Variants in DCBLD2 observed in about 807,000 individuals in gnomAD.
The protein encoded by DCBLD2 is discoidin, CUB and LCCL domain-containing protein 2.
DCBLD2 carries 54 observed loss-of-function variants against 86.8 expected under a neutral mutation model. The ratio of observed to expected loss-of-function variants is 0.62; its 90% CI spans 0.50 to 0.78. The LOEUF (loss-of-function observed/expected upper bound fraction) is 0.78, where lower values mean the gene tolerates loss of function less well. DCBLD2 is among the 30% of genes least tolerant of loss of function. DCBLD2 has a pLI of 0.00. For synonymous variants in DCBLD2, 354 were observed against 341.3 expected (o/e 1.04, Z -0.41); for missense variants, 908 against 954.2 (o/e 0.95, Z 0.64).
chr3:98,880,136 T>A (rs972186377), intron 2 of DCBLD2, among the ~76,000 whole-genome samples: 2 of 152,178 alleles, frequency 1.3e-5, no homozygotes, highest in African/African-American at 4.8e-5. Flanking sequence ...AATCAAGAAG[T>A]GACTGAGAAG....
In DCBLD2 at chr3:98,870,801, G is replaced by GAA. The variant is rs773266301; in HGVS notation, c.433+10737_433+10738dup. ...AGAAAGAAAGAAAGAAAGAAAGAAA[G>GAA]AAAGAAAGAAAGGTAGGCAGGCATT... On this transcript the variant is annotated intron_variant, in intron 2 of 15. Transcript: ENST00000326840. Among the ~76,000 whole-genome samples the GAA allele has an allele frequency of 4.3e-4, 64 of 149,772 alleles. 1 individual carries two copies. The East Asian group carries it at 6.9e-3, about 16-fold the overall frequency.
intron 2 of DCBLD2, among the ~76,000 whole-genome samples, chr3:98,866,627 T>C (rs1471584457): frequency 6.6e-6 from 1 of 152,222 alleles, no homozygotes; most frequent in Non-Finnish European, 1.5e-5. Flanking sequence ...GATGAGTAGA[T>C]TGCAAAAATT....
rs1941664024 is a variant in DCBLD2 at position 98,798,974 on chromosome 3, C to T, written c.*398G>A. ...TCACAAACAGACTAGAATTTCAAGC[C>T]ATTAGGTATTTCAAGAACAGTACCG... On this transcript the variant is annotated 3_prime_UTR_variant, in exon 16 of 16. Transcript: ENST00000326840. 6.3e-6 allele frequency: 1 copy of T among 157,680 alleles called. No homozygotes were observed. The highest frequency in any genetic ancestry group is 2.4e-5 in the African/African-American group (1 of 41,494). 9.8% of individuals were successfully genotyped at this position (157,680 alleles called of 1,614,324 possible). A position where few individuals can be genotyped will look rare whatever the true frequency, so the allele number is the denominator to read the frequency against.
At chr3:98,860,732 C>T (rs948313499) in intron 2 of DCBLD2, among the ~76,000 whole-genome samples, 3 of 152,186 alleles carry the variant, frequency 2.0e-5, no homozygotes, top group African/African-American at 7.2e-5. Context: ...AAGCACTAAA[C>T]ATGGAAAGGA....
intron 3 of DCBLD2, among the ~76,000 whole-genome samples, chr3:98,831,597 A>C (rs1247412542): frequency 6.6e-6 from 1 of 152,092 alleles, no homozygotes; most frequent in Admixed American, 6.6e-5. Context: ...TAGTGCTATA[A>C]ATTTCTCTTG....
intron 2 of DCBLD2, among the ~76,000 whole-genome samples, chr3:98,872,676 T>C (rs1399791341): frequency 6.6e-6 from 1 of 151,730 alleles, no homozygotes; most frequent in Non-Finnish European, 1.5e-5. Flanking sequence ...GGATAGTAAA[T>C]GATTAAGACA....
chr3:98,836,066 A>ATG (rs145070800), intron 3 of DCBLD2, among the ~76,000 whole-genome samples: 30 of 129,128 alleles, frequency 2.3e-4, no homozygotes, highest in South Asian at 7.3e-4. Context: ...GTGTGTGTGT[A>ATG]TGTGTGTGTG....
chr3:98,859,469 A>AC (rs986293236), intron 2 of DCBLD2, among the ~76,000 whole-genome samples: 3 of 151,984 alleles, frequency 2.0e-5, no homozygotes, highest in Non-Finnish European at 2.9e-5. Context: ...ACTGGGAGGC[A>AC]CCCCCCAGTA....
chr3:98,812,853 T>A (rs1024518127), intron 9 of DCBLD2: 1 of 153,162 alleles, frequency 6.5e-6, no homozygotes, highest in Non-Finnish European at 1.5e-5. Flanking sequence ...TATTAATTTT[T>A]ATTTTTAAAG....
At chr3:98,865,154 C>G (rs1386585823) in intron 2 of DCBLD2, among the ~76,000 whole-genome samples, 1 of 151,942 alleles carries the variant, frequency 6.6e-6, no homozygotes, top group South Asian at 2.1e-4. Flanking sequence ...GAAAAGATAC[C>G]TACACTCCCA....
intron 3 of DCBLD2, among the ~76,000 whole-genome samples, chr3:98,827,034 A>G (rs898061752): frequency 2.0e-5 from 3 of 152,210 alleles, no homozygotes; most frequent in African/African-American, 4.8e-5. Flanking sequence ...TGTGTCTTGA[A>G]CTAGAGCTTA....
intron 3 of DCBLD2, among the ~76,000 whole-genome samples, chr3:98,846,523 G>T (rs1256202769): frequency 1.3e-5 from 2 of 152,186 alleles, no homozygotes; most frequent in African/African-American, 2.4e-5. Context: ...TATAGTTCAG[G>T]CAATTCATTC....
intron 1 of DCBLD2, among the ~76,000 whole-genome samples, chr3:98,887,594 C>T (rs1269310393): frequency 6.6e-6 from 1 of 151,926 alleles, no homozygotes; most frequent in Non-Finnish European, 1.5e-5. Context: ...TTAGTGTTCA[C>T]AAGGTATATC....
chr3:98,811,506 T>C lies in DCBLD2; in HGVS notation c.1412A>G (p.Asp471Gly), dbSNP rs907970289. The C allele has an allele frequency of 1.2e-6, 2 of 1,610,932 alleles. No homozygotes were observed. Among genetic ancestry groups the C allele is most frequent in the Non-Finnish European group, 1.7e-6 (2 of 1,178,950 alleles). The change falls in exon 11 of 16, where the codon GAC becomes GGC. Residue 471 changes from aspartate to glycine, a missense_variant. Physicochemically the swap from Asp to Gly is moderately conservative, Grantham distance 94 (BLOSUM62 -1). Transcript: ENST00000326840. ...TQPPPPRNSN[D>G]LKNTTAPPKI... is the part of the protein sequence containing the mutation. ...TGGAGGGGCTGTAGTGTTTTTGAGG[T>C]CATTGCTGTTCCGAGGAGGTGGAGG...
At chr3:98,868,014 A>G (rs948927878) in intron 2 of DCBLD2, among the ~76,000 whole-genome samples, 1 of 152,068 alleles carries the variant, frequency 6.6e-6, no homozygotes, top group Non-Finnish European at 1.5e-5. Context: ...CTTGTTAGCC[A>G]GGATGGTCTC....
intron 1 of DCBLD2, among the ~76,000 whole-genome samples, chr3:98,883,741 C>A (rs2119190): frequency 6.6e-6 from 1 of 152,280 alleles, no homozygotes; most frequent in South Asian, 2.1e-4. Flanking sequence ...CAGTTATTTA[C>A]AAATCACCTT....
At chr3:98,857,567 C>G (rs925608713) in intron 2 of DCBLD2, among the ~76,000 whole-genome samples, 1 of 152,136 alleles carries the variant, frequency 6.6e-6, no homozygotes, top group Non-Finnish European at 1.5e-5. Flanking sequence ...CACATCCCCA[C>G]GAGATTAGCT....
chr3:98,799,393 A>G lies in DCBLD2; in HGVS notation c.2307T>C (p.Asp769=), dbSNP rs374018219. The G allele has an allele frequency of 3.0e-5, 48 of 1,608,950 alleles. No individual in the cohort carries two copies. Among genetic ancestry groups the G allele is most frequent in the Admixed American group, 1.2e-4 (7 of 59,606 alleles). ...VSGAGRDGEC[D]VFKEIL ...ATCTTCAAAGGATTTCTTTAAAAAC[A>G]TCACATTCCCCATCCCTTCCTGCTC... Residue 769 remains aspartate, a synonymous_variant, in exon 16 of 16, where the codon GAT becomes GAC. Coordinates refer to ENST00000326840, the MANE Select transcript of DCBLD2 (RefSeq NM_080927.4).
chr3:98,875,496 T>C (rs2470858), intron 2 of DCBLD2, among the ~76,000 whole-genome samples: 147,775 of 152,280 alleles, frequency 0.97, 71,858 homozygotes, highest in Non-Finnish European at 1. Context: ...TTATAAACAG[T>C]ATAATGTCAA....
Sources: allele counts gnomAD v4.1 joint callset (sites outside exome capture counted in the v4.1 genomes callset), GRCh38; gene constraint gnomAD v4.1.1; transcripts MANE v1.5; gene names NCBI Gene and HGNC (gene_info 2026-07-23, HGNC 2026-07-21).